The following VSTM4 variants were observed in gnomAD, a reference collection of about 807,000 sequenced individuals.
VSTM4 encodes V-set and transmembrane domain-containing protein 4.
A neutral mutation model predicts 36.4 loss-of-function variants in VSTM4; 20 were observed. The ratio of observed to expected loss-of-function variants is 0.55; its 90% confidence interval spans 0.39 to 0.80. VSTM4 has a LOEUF of 0.80. VSTM4 is among the 30% of genes least tolerant of loss of function. The pLI, the probability that VSTM4 is intolerant of heterozygous loss-of-function variation, is 0.00. For missense variants in VSTM4, 392 were observed against 404.5 expected (o/e 0.97, Z 0.26); for synonymous variants, 182 against 173.9 (o/e 1.05, Z -0.37).
chr10:49,103,680 G>A (rs1039393866), intron 2 of VSTM4: 1 of 1,595,336 alleles, frequency 6.3e-7, no homozygotes, highest in Non-Finnish European at 8.5e-7. Flanking sequence ...AATGAGGAGA[G>A]ACCAGGCACC....
At chr10:49,068,968 A>AT (rs1844023444) in intron 4 of VSTM4, among the ~76,000 whole-genome samples, 1 of 152,080 alleles carries the variant, frequency 6.6e-6, no homozygotes, top group African/African-American at 2.4e-5. Context: ...AGGAAGGCTT[A>AT]TTTTTGCAAC....
intron 5 of VSTM4, among the ~76,000 whole-genome samples, chr10:49,063,164 TC>T (rs1342452171): frequency 6.6e-6 from 1 of 151,898 alleles, no homozygotes; most frequent in Non-Finnish European, 1.5e-5. Flanking sequence ...CATGGTGAAA[TC>T]CCGTCTCTAC....
intron 2 of VSTM4, among the ~76,000 whole-genome samples, chr10:49,088,910 C>T (rs1464331125): frequency 6.6e-6 from 1 of 152,208 alleles, no homozygotes. Flanking sequence ...ACATGTGGTC[C>T]ACGGGCCAGC....
intron 3 of VSTM4, among the ~76,000 whole-genome samples, chr10:49,078,952 C>T (rs529649241): frequency 6.6e-6 from 1 of 152,242 alleles, no homozygotes; most frequent in South Asian, 2.1e-4. Flanking sequence ...CAACCTCAGC[C>T]TCCTGAGTAG....
At chr10:49,086,353 T>C (rs894542751) in intron 2 of VSTM4, among the ~76,000 whole-genome samples, 1 of 152,214 alleles carries the variant, frequency 6.6e-6, no homozygotes, top group Non-Finnish European at 1.5e-5. Flanking sequence ...TTTACCATTT[T>C]AGTGGGAATC....
At chr10:49,102,552 C>T (rs1376351556) in intron 2 of VSTM4, 1 of 985,290 alleles carries the variant, frequency 1.0e-6, no homozygotes, top group Admixed American at 6.1e-5. Context: ...CAAGATGTTG[C>T]CAGTGGGAGA....
intron 1 of VSTM4, among the ~76,000 whole-genome samples, chr10:49,112,488 T>G (rs1844912977): frequency 6.6e-6 from 1 of 152,054 alleles, no homozygotes; most frequent in African/African-American, 2.4e-5. Context: ...ATCCGAAAAA[T>G]GGGAAAAGGA....
Position 49,018,149 on chromosome 10 carries a change from GC to G in VSTM4, c.*1500del, listed in dbSNP as rs1843129751. The G allele has an allele frequency of 6.6e-6, 1 of 152,186 alleles. No homozygotes were observed. The highest frequency in any genetic ancestry group is 1.5e-5 in the Non-Finnish European group (1 of 68,028). 9.4% of individuals were successfully genotyped at this position (152,186 alleles called of 1,614,324 possible). ...GAGTCTTTGGGAACATTACTGTAGG[GC>G]TAAGTTGGTGGACAAATATTTGGTT... is the stretch of plus-strand genomic sequence containing the variant. On this transcript the variant is annotated 3_prime_UTR_variant, in exon 8 of 8. Coordinates refer to ENST00000332853, the MANE Select transcript of VSTM4 (RefSeq NM_001031746.5).
intron 7 of VSTM4, among the ~76,000 whole-genome samples, chr10:49,041,363 G>A (rs1305204408): frequency 6.6e-6 from 1 of 152,038 alleles, no homozygotes; most frequent in East Asian, 1.9e-4. Context: ...AATGATCAAG[G>A]GAAAACCTGT....
At chr10:49,093,909 A>C (rs1050594030) in intron 2 of VSTM4, among the ~76,000 whole-genome samples, 1 of 151,544 alleles carries the variant, frequency 6.6e-6, no homozygotes, top group African/African-American at 2.4e-5. Flanking sequence ...CATAACGCCC[A>C]GCTAATTTTT....
chr10:49,072,827 G>A (rs1322794675), intron 4 of VSTM4, among the ~76,000 whole-genome samples: 1 of 152,218 alleles, frequency 6.6e-6, no homozygotes, highest in Non-Finnish European at 1.5e-5. Context: ...AACTTCAGGT[G>A]GCTGAAGACA....
chr10:49,045,071 A>G (rs1322561859), intron 7 of VSTM4, among the ~76,000 whole-genome samples: 1 of 152,184 alleles, frequency 6.6e-6, no homozygotes, highest in Non-Finnish European at 1.5e-5. Flanking sequence ...CCTTGTATTA[A>G]TACCCCATTG....
At chr10:49,087,936 A>ATGTATATATACATATGTAATATATATG (rs1434160815) in intron 2 of VSTM4, among the ~76,000 whole-genome samples, 25 of 123,834 alleles carry the variant, frequency 2.0e-4, no homozygotes, top group Non-Finnish European at 3.6e-4. Context: ...TGTAATATAT[A>ATGTATATATACATATGTAATATATATG]TGTATATATA....
chr10:49,094,706 T>C (rs1844537934), intron 2 of VSTM4, among the ~76,000 whole-genome samples: 1 of 152,212 alleles, frequency 6.6e-6, no homozygotes, highest in Non-Finnish European at 1.5e-5. Context: ...ATGGATGAGA[T>C]GGTTCCCAAG....
At chr10:49,057,878 A>G (rs778468437) in intron 5 of VSTM4, among the ~76,000 whole-genome samples, 14 of 152,210 alleles carry the variant, frequency 9.2e-5, no homozygotes, top group Non-Finnish European at 1.6e-4. Flanking sequence ...GTCTGTTTAG[A>G]GTTCTGGTGT....
At chr10:49,023,739 G>A (rs555829860) in intron 7 of VSTM4, among the ~76,000 whole-genome samples, 154 of 152,304 alleles carry the variant, frequency 1.0e-3, no homozygotes, top group African/African-American at 3.4e-3. Flanking sequence ...GATAGACGCT[G>A]GCTTCAAAAT....
At chr10:49,094,903 A>G (rs1176290269) in intron 2 of VSTM4, among the ~76,000 whole-genome samples, 1 of 152,134 alleles carries the variant, frequency 6.6e-6, no homozygotes, top group East Asian at 1.9e-4. Context: ...GGTCAAAGGC[A>G]GTCTCCCCTG....
chr10:49,105,826 A>G (rs1365693252), intron 2 of VSTM4, among the ~76,000 whole-genome samples: 2 of 145,204 alleles, frequency 1.4e-5, no homozygotes, highest in Non-Finnish European at 3.0e-5. Flanking sequence ...ATACACACGT[A>G]TCATATGTGT....
intron 2 of VSTM4, among the ~76,000 whole-genome samples, chr10:49,096,231 T>C (rs943579051): frequency 6.6e-6 from 1 of 152,216 alleles, no homozygotes; most frequent in Non-Finnish European, 1.5e-5. Flanking sequence ...CCTGTGGTAG[T>C]AACTTCAGAT....
Sources: allele counts gnomAD v4.1 joint callset (sites outside exome capture counted in the v4.1 genomes callset), GRCh38; gene constraint gnomAD v4.1.1; transcripts MANE v1.5; gene names NCBI Gene and HGNC (gene_info 2026-07-23, HGNC 2026-07-21).